SLC44A3: variants seen among roughly 807,000 people sequenced by gnomAD.
SLC44A3 encodes choline transporter-like protein 3.
SLC44A3 carries 74 observed loss-of-function variants against 75.4 expected under a neutral mutation model. The ratio of observed to expected loss-of-function variants is 0.98; its 90% CI spans 0.81 to 1.19. The LOEUF (loss-of-function observed/expected upper bound fraction) is 1.19, where lower values mean the gene tolerates loss of function less well. SLC44A3 is among the 50% of genes most tolerant of loss of function. The pLI is 0.00. For synonymous variants in SLC44A3, 310 were observed against 296.9 expected, an observed-to-expected ratio of 1.04 and a Z score of -0.45; for missense variants, 700 against 778.6, an observed-to-expected ratio of 0.90 and a Z score of 1.20.
At chr1:94,823,650 T>G (rs1175052817) in intron 2 of SLC44A3, among the ~76,000 whole-genome samples, 5 of 152,234 alleles carry the variant, frequency 3.3e-5, no homozygotes, top group Non-Finnish European at 4.4e-5. Flanking sequence ...TTTAGGACAA[T>G]GTACCTTTGC....
chr1:94,894,917 A>C lies in SLC44A3; in HGVS notation c.1957A>C (p.Arg653=), dbSNP rs1320551066. 1 of 1,608,338 alleles carries C rather than the reference A, an allele frequency of 6.2e-7. No individual in the cohort carries two copies. Among genetic ancestry groups the C allele is most frequent in the Non-Finnish European group, 8.5e-7 (1 of 1,176,366 alleles). The stretch of plus-strand genomic sequence containing the variant: ...GGGAACAGAACTCCAGGCCATTGTG[A>C]GATAGATACCCATTTAGGTATCTGT... ...EEGTELQAIV[R] Residue 653 remains arginine (R), a synonymous_variant, in exon 15 of 15, where the codon AGA becomes CGA. Coordinates refer to ENST00000271227, the MANE Select transcript of SLC44A3 (RefSeq NM_001114106.3).
chr1:94,881,434 G>C (rs12088775), intron 12 of SLC44A3, among the ~76,000 whole-genome samples: 172 of 152,342 alleles, frequency 1.1e-3, no homozygotes, highest in African/African-American at 4.0e-3. Context: ...GCCAGGCGCG[G>C]TGGCTGATGC....
chr1:94,822,062 T>C (rs1235418822), intron 2 of SLC44A3, among the ~76,000 whole-genome samples: 1 of 152,102 alleles, frequency 6.6e-6, no homozygotes, highest in Non-Finnish European at 1.5e-5. Context: ...TCGCAGATGG[T>C]TGGTGTTTTT....
intron 5 of SLC44A3, 32 bp downstream of exon 5, chr1:94,828,618 A>T (rs1192160086): frequency 1.3e-6 from 2 of 1,591,924 alleles, no homozygotes; most frequent in Non-Finnish European, 1.7e-6. Flanking sequence ...CCTTAACTCT[A>T]AACAAAAGTT....
At chr1:94,894,412 A>G (rs1019493007) in intron 14 of SLC44A3, among the ~76,000 whole-genome samples, 1 of 152,202 alleles carries the variant, frequency 6.6e-6, no homozygotes, top group African/African-American at 2.4e-5. Flanking sequence ...TGAGTTTTCC[A>G]TTAACTGGAC....
intron 3 of SLC44A3, among the ~76,000 whole-genome samples, chr1:94,826,935 G>A (rs12048606): frequency 0.36 from 55,269 of 151,984 alleles, 10,429 homozygotes; most frequent in East Asian, 0.58. Flanking sequence ...ATAACCTGCT[G>A]ATGGCAACAC....
rs1197863604 is a variant in SLC44A3, at chr1:94,895,040, C to T, written c.*118C>T. The T allele has an allele frequency of 3.0e-6, 2 of 659,950 alleles. No homozygotes were observed. Among genetic ancestry groups the T allele is most frequent in the African/African-American group, 1.8e-5 (1 of 54,784 alleles). 40.9% of individuals were successfully genotyped at this position (659,950 alleles called of 1,614,324 possible). On this transcript the variant is annotated 3_prime_UTR_variant, in exon 15 of 15. Coordinates refer to ENST00000271227, the MANE Select transcript of SLC44A3 (RefSeq NM_001114106.3). ...TTTTTTTTTAAAAGACCTAATAAAC[C>T]CTATTCTTCCTCATTGTCTTTGTCA...
intron 7 of SLC44A3, among the ~76,000 whole-genome samples, chr1:94,840,283 CTTTTTTTT>C (rs56383271): frequency 7.8e-5 from 6 of 77,380 alleles, no homozygotes; most frequent in African/African-American, 3.1e-4. Context: ...TTTCTTTTTC[CTTTTTTTT>C]TTTTTTTTTT....
At position 94,884,963 on chromosome 1, in the gene SLC44A3, C is replaced by T. The variant is rs569882429; in HGVS notation, c.1483-6167C>T. On this transcript the variant is annotated intron_variant, in intron 12 of 14. Transcript: ENST00000271227. ...ATTTTCTATAAAATGAGAATAATAC[C>T]GGCCAGGCGCAGTGGCTCACGCCTA... is the stretch of plus-strand genomic sequence containing the variant. Among the ~76,000 whole-genome samples, 5 of 152,064 alleles carry T rather than the reference C, an allele frequency of 3.3e-5. No individual in the cohort carries two copies. In the South Asian group the frequency reaches 1.0e-3, roughly 32 times the overall value.
chr1:94,859,194 T>C (rs778290738), intron 10 of SLC44A3, among the ~76,000 whole-genome samples: 2 of 152,236 alleles, frequency 1.3e-5, no homozygotes, highest in Non-Finnish European at 2.9e-5. Flanking sequence ...TGCCTGACAG[T>C]AATTTTGTGT....
chr1:94,848,265 AG>A (rs1455817206), intron 9 of SLC44A3, among the ~76,000 whole-genome samples: 1 of 150,676 alleles, frequency 6.6e-6, no homozygotes, highest in Non-Finnish European at 1.5e-5. Context: ...AAGTTTGCTC[AG>A]AATGAAGCTG....
intron 12 of SLC44A3, among the ~76,000 whole-genome samples, chr1:94,877,599 A>C (rs561732051): frequency 5.3e-5 from 8 of 152,208 alleles, no homozygotes; most frequent in Non-Finnish European, 1.2e-4. Flanking sequence ...CAGACATTTG[A>C]GAAACAAGTT....
chr1:94,872,493 G>A (rs1667872166), intron 12 of SLC44A3, among the ~76,000 whole-genome samples: 2 of 152,062 alleles, frequency 1.3e-5, no homozygotes, highest in Admixed American at 1.3e-4. Flanking sequence ...AATGGGTATA[G>A]GCAATGAGCT....
At chr1:94,831,815 T>A (rs1024399197) in intron 5 of SLC44A3, among the ~76,000 whole-genome samples, 7 of 152,146 alleles carry the variant, frequency 4.6e-5, no homozygotes, top group Admixed American at 3.3e-4. Context: ...CAAGTTTGAG[T>A]GGCTTTGCTA....
intron 3 of SLC44A3, among the ~76,000 whole-genome samples, chr1:94,826,210 TG>T (rs1661320798): frequency 6.6e-6 from 1 of 152,104 alleles, no homozygotes; most frequent in South Asian, 2.1e-4. Context: ...GAAAGTAAAA[TG>T]GCGATTGCAA....
chr1:94,884,453 C>A (rs997241527), intron 12 of SLC44A3, among the ~76,000 whole-genome samples: 2 of 152,248 alleles, frequency 1.3e-5, no homozygotes, highest in South Asian at 4.1e-4. Flanking sequence ...TATCTGGACT[C>A]GGATTTCACT....
At chr1:94,857,659 G>C (rs776008100) in intron 10 of SLC44A3, among the ~76,000 whole-genome samples, 159 bp downstream of exon 10, 1 of 152,144 alleles carries the variant, frequency 6.6e-6, no homozygotes, top group Admixed American at 6.5e-5. Context: ...ATTCTCATTT[G>C]GTGGTGAGAA....
intron 12 of SLC44A3, among the ~76,000 whole-genome samples, chr1:94,870,826 GCACATGCCAC>G (rs1667684112): frequency 2.0e-5 from 3 of 152,154 alleles, no homozygotes; most frequent in South Asian, 4.1e-4. Context: ...GGGACTACAG[GCACATGCCAC>G]CACATGCTAA....
intron 5 of SLC44A3, among the ~76,000 whole-genome samples, chr1:94,834,845 G>T (rs553421545): frequency 2.0e-5 from 3 of 152,170 alleles, no homozygotes; most frequent in Non-Finnish European, 2.9e-5. Context: ...TTGAGAGTGG[G>T]CTAGGCTTAG....
Sources: gnomAD v4.1 joint callset for allele counts (sites outside exome capture counted in the v4.1 genomes callset) on GRCh38, gnomAD v4.1.1 for gene constraint, MANE v1.5 for transcripts, NCBI Gene and HGNC (gene_info 2026-07-23, HGNC 2026-07-21) for gene names.